The following RBFOX3 variants were observed in gnomAD, a reference collection of about 807,000 sequenced individuals.
RBFOX3 encodes RNA binding protein fox-1 homolog 3.
RBFOX3 carries 17 observed loss-of-function variants against 48.7 expected under a neutral mutation model. The ratio of observed to expected loss-of-function variants is 0.35; its 90% confidence interval spans 0.24 to 0.52. RBFOX3 has a LOEUF of 0.52. RBFOX3 is among the 20% of genes least tolerant of loss of function. The probability of loss-of-function intolerance (pLI) is 0.94; values close to 1 mark genes in which losing one functional copy is unlikely to be tolerated. For missense variants in RBFOX3, 382 were observed against 497.5 expected, an observed-to-expected ratio of 0.77 and a Z score of 2.21; for synonymous variants, 212 against 209.5, an observed-to-expected ratio of 1.01 and a Z score of -0.10.
At chr17:79,282,109 G>C (rs1227636373) in intron 3 of RBFOX3, among the ~76,000 whole-genome samples, 4 of 152,204 alleles carry the variant, frequency 2.6e-5, no homozygotes, top group Non-Finnish European at 4.4e-5. Flanking sequence ...GCTGACCAAA[G>C]GCCCTGAAGC....
chr17:79,620,208 T>C, the RBFOX3 span, among the ~76,000 whole-genome samples: 7 of 122,252 alleles, frequency 5.7e-5, no homozygotes, highest in East Asian at 1.3e-3. Context: ...CACGTGCACA[T>C]GCACACACAG....
At chr17:79,620,248 C>A in the RBFOX3 span, among the ~76,000 whole-genome samples, 1 of 148,100 alleles carries the variant, frequency 6.8e-6, no homozygotes, top group Non-Finnish European at 1.5e-5. Context: ...TGCACACATA[C>A]GCACATGCAC....
At chr17:79,315,621 G>A (rs1480606742) in intron 2 of RBFOX3, among the ~76,000 whole-genome samples, 1 of 152,246 alleles carries the variant, frequency 6.6e-6, no homozygotes, top group Non-Finnish European at 1.5e-5. Context: ...AGTGTTACAA[G>A]CTCATAAAAG....
At chr17:79,345,744 T>C (rs1253851481) in intron 2 of RBFOX3, among the ~76,000 whole-genome samples, 2 of 152,188 alleles carry the variant, frequency 1.3e-5, no homozygotes, top group Admixed American at 6.5e-5. Flanking sequence ...ATTGCCAATA[T>C]TTTCTTCTAG....
At chr17:79,657,052 G>A in the RBFOX3 span, among the ~76,000 whole-genome samples, 1 of 152,080 alleles carries the variant, frequency 6.6e-6, no homozygotes, top group East Asian at 1.9e-4. Context: ...ACAGCAGGTA[G>A]GAGGGCCTTT....
chr17:79,324,029 C>T (rs1469436405), intron 2 of RBFOX3, among the ~76,000 whole-genome samples: 1 of 152,192 alleles, frequency 6.6e-6, no homozygotes, highest in Non-Finnish European at 1.5e-5. Flanking sequence ...AAGCCCGCTT[C>T]CTCTTGTTGA....
At chr17:79,183,172 G>A (rs1200849893) in intron 4 of RBFOX3, 3 of 147,910 alleles carry the variant, frequency 2.0e-5, no homozygotes, top group South Asian at 1.8e-4. Context: ...TGGCGGCGGC[G>A]GCGCAGAGGC....
intron 3 of RBFOX3, among the ~76,000 whole-genome samples, chr17:79,266,411 GTGTTCTGTTGGGAC>G (rs1224517145): frequency 6.6e-6 from 1 of 152,208 alleles, no homozygotes; most frequent in Non-Finnish European, 1.5e-5. Context: ...TGTGCTTTCT[GTGTTCTGTTGGGAC>G]TGTTCCTTTT....
chr17:79,492,392 G>T (rs1327552353), intron 1 of RBFOX3, among the ~76,000 whole-genome samples: 1 of 152,182 alleles, frequency 6.6e-6, no homozygotes, highest in Non-Finnish European at 1.5e-5. Flanking sequence ...TCTAAGATTA[G>T]GTCTTAAAAG....
intron 4 of RBFOX3, among the ~76,000 whole-genome samples, chr17:79,193,988 G>A (rs2055032473): frequency 6.6e-6 from 1 of 152,210 alleles, no homozygotes; most frequent in Non-Finnish European, 1.5e-5. Flanking sequence ...ATCACCAGCA[G>A]AGGGAAGGCC....
chr17:79,453,164 T>C (rs2073858268), intron 2 of RBFOX3, among the ~76,000 whole-genome samples: 1 of 152,232 alleles, frequency 6.6e-6, no homozygotes. Context: ...CTAATAGCCG[T>C]GTCATTCTAC....
At chr17:79,645,878 A>T in the RBFOX3 span, among the ~76,000 whole-genome samples, 1 of 152,166 alleles carries the variant, frequency 6.6e-6, no homozygotes, top group East Asian at 1.9e-4. Flanking sequence ...GCCCAGAACC[A>T]ACCTGTGAAG....
Position 79,101,565 on chromosome 17 carries a change from G to C in RBFOX3, c.568+19C>G. ...AGCCAGTGACCCCAGCAGCCTTGTG[G>C]GGGGACCCAGCCCCTTACCGTTGGT... On this transcript the variant is annotated intron_variant, in intron 9 of 14. Transcript: ENST00000693108. 1 of 1,548,782 alleles carries C rather than the reference G, an allele frequency of 6.5e-7. No individual in the cohort carries two copies. The highest frequency in any genetic ancestry group is 8.7e-7 in the Non-Finnish European group (1 of 1,144,850).
intron 2 of RBFOX3, among the ~76,000 whole-genome samples, chr17:79,380,452 C>T (rs762891399): frequency 6.6e-5 from 10 of 152,348 alleles, no homozygotes; most frequent in South Asian, 2.1e-4. Context: ...ACCTGCTGAC[C>T]GTGGCCCTGG....
chr17:79,243,255 C>T lies in RBFOX3; in HGVS notation c.-73-7450G>A, dbSNP rs1226397287. On this transcript the variant is annotated intron_variant, in intron 3 of 14. Coordinates refer to ENST00000693108, the MANE Select transcript of RBFOX3 (RefSeq NM_001350451.2). This position sits in a 1 kb window ranked among gnomAD's most constrained non-coding sequence, Gnocchi z 7.9. Reference sequence around the variant, plus strand: ...CTTAGAGCTGATTATTCTGCTCAGGCCAAGCACTCCCGGATAAACCCTGGA... The same window carrying T: ...CTTAGAGCTGATTATTCTGCTCAGGTCAAGCACTCCCGGATAAACCCTGGA... Among the ~76,000 whole-genome samples the T allele has an allele frequency of 2.0e-5, 3 of 152,046 alleles. No homozygotes were observed. Among genetic ancestry groups the T allele is most frequent in the African/African-American group, 7.2e-5 (3 of 41,384 alleles).
chr17:79,367,863 T>C (rs1490631618), intron 2 of RBFOX3, among the ~76,000 whole-genome samples: 1 of 152,018 alleles, frequency 6.6e-6, no homozygotes, highest in African/African-American at 2.4e-5. Context: ...CTGTGGACAA[T>C]CCACCGACAA....
intron 5 of RBFOX3, among the ~76,000 whole-genome samples, chr17:79,113,780 G>A (rs746455835): frequency 3.3e-5 from 5 of 152,176 alleles, no homozygotes; most frequent in Non-Finnish European, 5.9e-5. Flanking sequence ...CAGGAACTAG[G>A]GGACAGGGCT....
At position 79,242,290 on chromosome 17, in the gene RBFOX3, C is replaced by CCA. The variant is rs1280167601; in HGVS notation, c.-73-6487_-73-6486dup. Among the ~76,000 whole-genome samples the CCA allele has an allele frequency of 6.6e-6, 1 of 151,996 alleles. No homozygotes were observed. Among genetic ancestry groups the CCA allele is most frequent in the Non-Finnish European group, 1.5e-5 (1 of 68,016 alleles). On this transcript the variant is annotated intron_variant, in intron 3 of 14. Transcript: ENST00000693108. This position sits in a 1 kb window ranked among gnomAD's most constrained non-coding sequence, Gnocchi z 5.8. ...GCAGCTTTGAGAAACTCCCAGTGCACCACTCTCTTGTGTTACTTCAGATTT... is the reference window on the plus strand; with the variant it reads ...GCAGCTTTGAGAAACTCCCAGTGCACCACACTCTCTTGTGTTACTTCAGATTT...
chr17:79,350,267 T>G (rs1474994912), intron 2 of RBFOX3, among the ~76,000 whole-genome samples: 1 of 152,166 alleles, frequency 6.6e-6, no homozygotes, highest in Non-Finnish European at 1.5e-5. Flanking sequence ...TCCTAGGGGC[T>G]TCTGTCTGCT....
Sources: gnomAD v4.1 joint callset for allele counts (sites outside exome capture counted in the v4.1 genomes callset) on GRCh38, gnomAD v4.1.1 for gene constraint, Gnocchi (gnomAD v3.1) non-coding constraint, MANE v1.5 for transcripts, NCBI Gene and HGNC (gene_info 2026-07-23, HGNC 2026-07-21) for gene names.